The following ANK3 variants were observed in gnomAD, a reference collection of about 807,000 sequenced individuals.
ANK3 encodes ankyrin-3.
Under a neutral mutation model 370.9 loss-of-function variants are expected in ANK3, and 57 were observed. The ratio of observed to expected loss-of-function variants is 0.15; its 90% CI spans 0.12 to 0.19. ANK3 has a LOEUF of 0.19. ANK3 is among the 10% of genes least tolerant of loss of function. The pLI, the probability that ANK3 is intolerant of heterozygous loss-of-function variation, is 1.00. For synonymous variants in ANK3, 1,929 were observed against 1,946.3 expected, an observed-to-expected ratio of 0.99 and a Z score of 0.23; for missense variants, 4,439 against 5,302.1, an observed-to-expected ratio of 0.84 and a Z score of 5.06.
intron 2 of ANK3, among the ~76,000 whole-genome samples, chr10:60,580,376 T>C (rs1331718600): frequency 2.0e-5 from 3 of 152,208 alleles, no homozygotes; most frequent in African/African-American, 7.2e-5. Flanking sequence ...ACAGCCAGCA[T>C]ATAAACACCA....
chr10:60,174,434 T>C (rs1440845238), intron 18 of ANK3, among the ~76,000 whole-genome samples: 1 of 152,188 alleles, frequency 6.6e-6, no homozygotes, highest in Non-Finnish European at 1.5e-5. Flanking sequence ...AGGGTTCTCC[T>C]TTTCAATACA....
rs1448539585 is a variant in ANK3, at chr10:60,211,532, G to A, written c.996+1880C>T. ...CAGTAATACCAGTATCTCATTTAACGAGGATTAAATGAGTTAATATGTGTA... is the reference window on the plus strand; with the variant it reads ...CAGTAATACCAGTATCTCATTTAACAAGGATTAAATGAGTTAATATGTGTA... On this transcript the variant is annotated intron_variant, in intron 9 of 43. Transcript: ENST00000280772. Among the ~76,000 whole-genome samples the A allele has an allele frequency of 3.3e-5, 5 of 152,200 alleles. 1 individual carries two copies. The highest frequency in any genetic ancestry group is 7.4e-5 in the Non-Finnish European group (5 of 68,000).
chr10:60,552,487 G>A (rs528847231), intron 2 of ANK3, among the ~76,000 whole-genome samples: 84 of 152,310 alleles, frequency 5.5e-4, no homozygotes, highest in Non-Finnish European at 8.5e-4. Flanking sequence ...ACAAGCATAT[G>A]TTTTTGTTAA....
chr10:60,263,663 C>T (rs1566080073), intron 6 of ANK3, among the ~76,000 whole-genome samples, 172 bp downstream of exon 6: 1 of 152,208 alleles, frequency 6.6e-6, no homozygotes. Context: ...CCCAACTTCT[C>T]ATGTGAAGGG....
At chr10:60,318,987 G>C (rs1593641745) in intron 1 of ANK3, among the ~76,000 whole-genome samples, 1 of 152,290 alleles carries the variant, frequency 6.6e-6, no homozygotes, top group Middle Eastern at 3.4e-3. Context: ...GAATTCTGAA[G>C]AACTCTTCAC....
At chr10:60,687,781 A>G (rs919913348) in intron 1 of ANK3, among the ~76,000 whole-genome samples, 2 of 152,226 alleles carry the variant, frequency 1.3e-5, no homozygotes, top group African/African-American at 4.8e-5. Context: ...ACTGCAAACT[A>G]TTCACAATAG....
chr10:60,433,136 G>C (rs150700259), intron 2 of ANK3, among the ~76,000 whole-genome samples: 1 of 144,788 alleles, frequency 6.9e-6, no homozygotes, highest in African/African-American at 2.5e-5. Context: ...ACAACAAAAA[G>C]ACATACAAAG....
chr10:60,148,327 AC>A, intron 23 of ANK3, among the ~76,000 whole-genome samples: 1 of 152,154 alleles, frequency 6.6e-6, no homozygotes, highest in Non-Finnish European at 1.5e-5. Flanking sequence ...TTGTTTATTA[AC>A]CCAAACAAGA....
intron 1 of ANK3, among the ~76,000 whole-genome samples, chr10:60,304,359 T>C (rs564004026): frequency 2.4e-4 from 36 of 152,108 alleles, no homozygotes; most frequent in Non-Finnish European, 4.1e-4. Context: ...TATCAAAACA[T>C]TGGCTGGGGG....
chr10:60,626,018 A>G (rs535262112), intron 1 of ANK3, among the ~76,000 whole-genome samples: 56 of 152,344 alleles, frequency 3.7e-4, no homozygotes, highest in African/African-American at 1.3e-3. Context: ...ATTGAACAAG[A>G]AAAGAAAAAA....
chr10:60,071,299 T>G lies in ANK3; in HGVS notation c.9582A>C (p.Pro3194=). Residue 3194 remains proline (P), a synonymous_variant, in exon 37 of 44, where the codon CCA becomes CCC. Coordinates refer to ENST00000280772, the MANE Select transcript of ANK3 (RefSeq NM_020987.5). ...KTPDSLIAYI[P]GKPSPIPEVS... Reference sequence around the variant, plus strand: ...CCTCGGGAATTGGGCTGGGTTTGCCTGGTATATAAGCTATGAGCGAGTCAG... The same window carrying G: ...CCTCGGGAATTGGGCTGGGTTTGCCGGGTATATAAGCTATGAGCGAGTCAG... 6 of 1,614,110 alleles carry G rather than the reference T, an allele frequency of 3.7e-6. No homozygotes were observed. The highest frequency in any genetic ancestry group is 5.1e-6 in the Non-Finnish European group (6 of 1,180,000).
chr10:60,210,238 C>T (rs1266478585), intron 9 of ANK3, among the ~76,000 whole-genome samples: 2 of 152,084 alleles, frequency 1.3e-5, no homozygotes, highest in African/African-American at 4.8e-5. Context: ...AGCAAGTAAA[C>T]AAGCATATAA....
rs891329714 is a variant in ANK3 at position 60,716,621 on chromosome 10, C to T, written c.57+16642G>A. Among the ~76,000 whole-genome samples the T allele has an allele frequency of 4.6e-5, 7 of 152,278 alleles. No individual in the cohort carries two copies. The South Asian group carries it at 1.5e-3, about 32-fold the overall frequency. The stretch of plus-strand genomic sequence containing the variant: ...CTCCACCTCCTGGGCTCAAATGATC[C>T]TCCCACGTCAGCCTCCCAAGTAGCT... On this transcript the variant is annotated intron_variant, in intron 1 of 43. Transcript: ENST00000373827.
At chr10:60,199,468 C>G (rs1257322892) in intron 13 of ANK3, among the ~76,000 whole-genome samples, 1 of 152,150 alleles carries the variant, frequency 6.6e-6, no homozygotes, top group Non-Finnish European at 1.5e-5. Context: ...AAGGAAAAAT[C>G]TCACATACTG....
At chr10:60,398,504 G>A (rs2063289407) in intron 2 of ANK3, among the ~76,000 whole-genome samples, 1 of 152,130 alleles carries the variant, frequency 6.6e-6, no homozygotes, top group Non-Finnish European at 1.5e-5. Context: ...ATGTATACAT[G>A]TGTGGATGTG....
chr10:60,454,189 T>G (rs574650110), intron 2 of ANK3, among the ~76,000 whole-genome samples: 15 of 152,348 alleles, frequency 9.8e-5, no homozygotes, highest in Non-Finnish European at 1.9e-4. Flanking sequence ...TGAACTGTTA[T>G]GTTGACTTGG....
rs1037904332 is a variant in ANK3, at chr10:60,046,754, T to A, written c.13066-3995A>T. Among the ~76,000 whole-genome samples the A allele has an allele frequency of 6.6e-5, 10 of 151,906 alleles. 1 individual carries two copies. The highest frequency in any genetic ancestry group is 1.0e-4 in the Non-Finnish European group (7 of 68,006). On this transcript the variant is annotated intron_variant, in intron 42 of 43. Transcript: ENST00000280772. The stretch of plus-strand genomic sequence containing the variant: ...TCTGTCAACTATATTAGAGACCAAA[T>A]GTTACCTAAGAGAGAGCTCTAAGGC...
chr10:60,469,198 T>C (rs1338034268), intron 2 of ANK3, among the ~76,000 whole-genome samples: 1 of 53,938 alleles, frequency 1.9e-5, no homozygotes, highest in South Asian at 8.4e-4. Context: ...ACTTTTAGTG[T>C]ATATATATAT....
chr10:60,715,215 A>ATGTGTGTGTGTGTGTGTGTGTGTG (rs5785463), intron 1 of ANK3, among the ~76,000 whole-genome samples: 1 of 147,192 alleles, frequency 6.8e-6, no homozygotes, highest in African/African-American at 2.5e-5. Context: ...ACATATACAA[A>ATGTGTGTGTGTGTGTGTGTGTGTG]TGTGTGTGTG....
Sources: gnomAD v4.1 joint callset for allele counts (sites outside exome capture counted in the v4.1 genomes callset) on GRCh38, gnomAD v4.1.1 for gene constraint, MANE v1.5 for transcripts, NCBI Gene and HGNC (gene_info 2026-07-23, HGNC 2026-07-21) for gene names.